POC1A: variants seen among roughly 807,000 people sequenced by gnomAD.
POC1A encodes POC1 centriolar protein homolog A.
In POC1A, 34 loss-of-function variants were observed where a neutral mutation model predicts 47.8. The observed-to-expected ratio is 0.71, with a 90% confidence interval of 0.54 to 0.95. The LOEUF (loss-of-function observed/expected upper bound fraction) is 0.95, where lower values mean the gene tolerates loss of function less well. Among genes scored for constraint, POC1A ranks in the 40% least tolerant of loss-of-function variants. The probability of loss-of-function intolerance (pLI) is 0.00; values close to 1 mark genes in which losing one functional copy is unlikely to be tolerated. For missense variants in POC1A, 466 were observed against 528.3 expected (o/e 0.88, Z 1.16); for synonymous variants, 177 against 207.6 (o/e 0.85, Z 1.27).
intron 5 of POC1A, 74 bp downstream of exon 5, chr3:52,146,914 T>C (rs1577922216): frequency 8.2e-7 from 1 of 1,222,034 alleles, no homozygotes; most frequent in Non-Finnish European, 1.2e-6. Context: ...TGAAGGCCAC[T>C]GGGCCTCCTC....
chr3:52,094,885 C>G (rs72955239), intron 10 of POC1A, among the ~76,000 whole-genome samples: 2,833 of 152,296 alleles, frequency 0.019, 99 homozygotes, highest in African/African-American at 0.065. Flanking sequence ...GGCCACAGGC[C>G]ACAGGCCAGC....
In POC1A at chr3:52,090,614, A is replaced by G. The variant is rs917973459; in HGVS notation, c.1125+5955T>C. Among the ~76,000 whole-genome samples, 1 of 152,200 alleles carries G rather than the reference A, an allele frequency of 6.6e-6. No homozygotes were observed. Among genetic ancestry groups the G allele is most frequent in the Non-Finnish European group, 1.5e-5 (1 of 68,028 alleles). On this transcript the variant is annotated intron_variant, in intron 10 of 10. Transcript: ENST00000296484. This position sits in a 1 kb window ranked among gnomAD's most constrained non-coding sequence, Gnocchi z 4.2. The stretch of plus-strand genomic sequence containing the variant: ...AGCCAGCGTGGAGGTGAGCTCATGT[A>G]GCAGTGGCTATTTGTGGAAACAGCC...
intron 9 of POC1A, among the ~76,000 whole-genome samples, chr3:52,113,226 C>T (rs1703443310): frequency 6.6e-6 from 1 of 152,218 alleles, no homozygotes; most frequent in African/African-American, 2.4e-5. Flanking sequence ...TTAACATGTA[C>T]CTAGTAATAA....
At chr3:52,151,910 A>C (rs891214577) in intron 1 of POC1A, among the ~76,000 whole-genome samples, 2 of 152,122 alleles carry the variant, frequency 1.3e-5, no homozygotes, top group African/African-American at 4.8e-5. Flanking sequence ...AAAAATCTTT[A>C]AAAACAAACA....
chr3:52,080,836 G>A (rs1702257423), intron 10 of POC1A, among the ~76,000 whole-genome samples: 1 of 152,178 alleles, frequency 6.6e-6, no homozygotes, highest in Non-Finnish European at 1.5e-5. Flanking sequence ...CTTTAAACAA[G>A]GTACCTCTCT....
chr3:52,119,225 TG>T (rs935027901), intron 9 of POC1A, among the ~76,000 whole-genome samples: 1 of 152,006 alleles, frequency 6.6e-6, no homozygotes, highest in African/African-American at 2.4e-5. Flanking sequence ...CTCATCCCCG[TG>T]CTCCTCCCAC....
intron 7 of POC1A, among the ~76,000 whole-genome samples, chr3:52,129,132 A>G (rs1704119056): frequency 6.6e-6 from 1 of 152,070 alleles, no homozygotes; most frequent in African/African-American, 2.4e-5. Context: ...CTACAAAATT[A>G]GCCAGGGGCG....
At chr3:52,145,797 C>T (rs769599228) in intron 6 of POC1A, 49 bp downstream of exon 6, 6 of 1,201,956 alleles carry the variant, frequency 5.0e-6, no homozygotes, top group Non-Finnish European at 6.2e-6. Context: ...AACACCATCA[C>T]AGTCCCACCA....
rs756692543 is a variant in POC1A at position 52,154,344 on chromosome 3, G to C, written c.18+11C>G. 8 of 1,557,160 alleles carry C rather than the reference G, an allele frequency of 5.1e-6. No homozygotes were observed. In the East Asian group the frequency reaches 1.8e-4, roughly 35 times the overall value. The stretch of plus-strand genomic sequence containing the variant: ...ACTGAGGCCTGGGGAGTTGCTCTCG[G>C]CTGGGCTTACCGCGCAGGGCGCAGC... On this transcript the variant is annotated intron_variant, in intron 1 of 10. Coordinates refer to ENST00000296484, the MANE Select transcript of POC1A (RefSeq NM_015426.5).
At chr3:52,108,686 C>T (rs1190554208) in intron 9 of POC1A, among the ~76,000 whole-genome samples, 1 of 152,134 alleles carries the variant, frequency 6.6e-6, no homozygotes. Context: ...AGCCCTCCAC[C>T]AGAGCCCTCA....
intron 9 of POC1A, among the ~76,000 whole-genome samples, chr3:52,098,560 A>G (rs961289987): frequency 5.3e-5 from 8 of 152,176 alleles, no homozygotes; most frequent in African/African-American, 1.9e-4. Flanking sequence ...GGCCTTTACA[A>G]CAGAGGGTTG....
At chr3:52,150,353 C>T (rs1265568613) in intron 2 of POC1A, among the ~76,000 whole-genome samples, 3 of 152,172 alleles carry the variant, frequency 2.0e-5, no homozygotes, top group Non-Finnish European at 4.4e-5. Context: ...GAAGCCAGCC[C>T]CTCCCATTGA....
At chr3:52,146,065 G>A in intron 5 of POC1A, 104 bp from the exon 6 acceptor site, 1 of 678,394 alleles carries the variant, frequency 1.5e-6, no homozygotes. Flanking sequence ...TGCCCACGCT[G>A]TTCCCTTGAC....
At chr3:52,129,494 G>A (rs1704132616) in intron 7 of POC1A, among the ~76,000 whole-genome samples, 1 of 152,286 alleles carries the variant, frequency 6.6e-6, no homozygotes, top group Middle Eastern at 3.4e-3. Flanking sequence ...GGCAAGACCT[G>A]TCTCTGGGTG....
intron 7 of POC1A, among the ~76,000 whole-genome samples, chr3:52,136,022 G>A (rs1419384650): frequency 6.6e-6 from 1 of 151,956 alleles, no homozygotes; most frequent in Admixed American, 6.6e-5. Context: ...AAGGATTAAA[G>A]TAAGTGCAGA....
chr3:52,149,402 G>A lies in POC1A; in HGVS notation c.276-13C>T. ...GGACTCACCTTTGCTACAAGGACAG[G>A]CATCCAAGAGTAAGGAAACCCATAA... On this transcript the variant is annotated splice_polypyrimidine_tract_variant and intron_variant, in intron 3 of 10. Transcript: ENST00000296484. The A allele has an allele frequency of 6.2e-7, 1 of 1,612,166 alleles. No individual in the cohort carries two copies. The highest frequency in any genetic ancestry group is 8.5e-7 in the Non-Finnish European group (1 of 1,178,460).
At chr3:52,085,611 A>G (rs1343041881) in intron 10 of POC1A, among the ~76,000 whole-genome samples, 1 of 151,392 alleles carries the variant, frequency 6.6e-6, no homozygotes, top group African/African-American at 2.4e-5. Flanking sequence ...TCCTCCCCTC[A>G]TGGGTGTGGG....
chr3:52,104,116 G>A (rs1703091472), intron 9 of POC1A, among the ~76,000 whole-genome samples: 1 of 151,954 alleles, frequency 6.6e-6, no homozygotes, highest in Non-Finnish European at 1.5e-5. Context: ...ACAAAACTGT[G>A]GTATATCCAT....
chr3:52,136,129 C>T (rs1297321516), intron 7 of POC1A, among the ~76,000 whole-genome samples: 1 of 152,174 alleles, frequency 6.6e-6, no homozygotes, highest in Non-Finnish European at 1.5e-5. Context: ...ACCTGGATAC[C>T]TGGAGTACCC....
Sources: allele counts gnomAD v4.1 joint callset (sites outside exome capture counted in the v4.1 genomes callset), GRCh38; gene constraint gnomAD v4.1.1; non-coding constraint Gnocchi (gnomAD v3.1); transcripts MANE v1.5; gene names NCBI Gene and HGNC (gene_info 2026-07-23, HGNC 2026-07-21).